Variants in FAAH2 observed in about 807,000 individuals in gnomAD.
FAAH2 encodes the protein fatty-acid amide hydrolase 2.
Under a neutral mutation model 36.9 loss-of-function variants are expected in FAAH2, and 60 were observed. The ratio of observed to expected loss-of-function variants is 1.63; its 90% CI spans 1.32 to 2.02. FAAH2 has a LOEUF of 2.02. Among genes scored for constraint, FAAH2 ranks in the 30% most tolerant of loss-of-function variants. The pLI is 0.00. For missense variants in FAAH2, 689 were observed against 397.5 expected (o/e 1.73, Z -6.23); for synonymous variants, 214 against 143.8 (o/e 1.49, Z -3.49).
At chrX:57,452,305 A>G in intron 10 of FAAH2, 1 of 754,719 alleles carries the variant, frequency 1.3e-6, no homozygotes, top group Non-Finnish European at 1.6e-6. Flanking sequence ...CAAGATTTAT[A>G]TGTCAGGTTT....
At chrX:57,349,881 T>C (rs2147093760) in intron 5 of FAAH2, among the ~76,000 whole-genome samples, 1 of 110,020 alleles carries the variant, frequency 9.1e-6, no homozygotes, top group Admixed American at 9.7e-5. Flanking sequence ...TACCAAGAGG[T>C]TTAGACATCC....
At chrX:57,488,357 A>G (rs1202287077) in intron 10 of FAAH2, among the ~76,000 whole-genome samples, 1 of 112,000 alleles carries the variant, frequency 8.9e-6, no homozygotes, top group East Asian at 2.8e-4. Context: ...AGAATATATT[A>G]TTCTACTTTA....
chrX:57,136,967 G>T, the FAAH2 span: 2 of 877,472 alleles, frequency 2.3e-6, no homozygotes, highest in Non-Finnish European at 2.9e-6. Flanking sequence ...TGCCCTGAGT[G>T]CCTCTGGTGC....
chrX:57,127,571 A>G, the FAAH2 span, among the ~76,000 whole-genome samples: 1 of 111,952 alleles, frequency 8.9e-6, no homozygotes, highest in Non-Finnish European at 1.9e-5. Context: ...AAAAAATAAC[A>G]TTCTAATCAC....
At chrX:57,393,273 C>T (rs1188099757) in intron 7 of FAAH2, 2 of 1,132,535 alleles carry the variant, frequency 1.8e-6, no homozygotes, top group South Asian at 1.8e-5. Context: ...AGGTTCTCCT[C>T]TATGTAAGCC....
At chrX:57,457,528 A>G (rs1243436075) in intron 10 of FAAH2, among the ~76,000 whole-genome samples, 1 of 110,649 alleles carries the variant, frequency 9.0e-6, no homozygotes, top group Non-Finnish European at 1.9e-5. Context: ...TACTGATATG[A>G]TTCAATACCT....
At chrX:57,325,177 C>G (rs1255370231) in intron 3 of FAAH2, among the ~76,000 whole-genome samples, 1 of 111,890 alleles carries the variant, frequency 8.9e-6, no homozygotes, top group African/African-American at 3.2e-5. Flanking sequence ...CCTTGCATCC[C>G]AGGGATGAAG....
At chrX:57,394,372 T>C (rs2055241816) in intron 7 of FAAH2, 1 of 1,189,665 alleles carries the variant, frequency 8.4e-7, no homozygotes. Context: ...GTTCTAGTGC[T>C]GACAGCAGAA....
At chrX:57,131,189 C>T in the FAAH2 span, among the ~76,000 whole-genome samples, 2 of 107,086 alleles carry the variant, frequency 1.9e-5, no homozygotes, top group African/African-American at 6.8e-5. Flanking sequence ...GGGTTCACGC[C>T]ATTCTCCTGC....
intron 8 of FAAH2, among the ~76,000 whole-genome samples, chrX:57,441,136 G>T (rs1173700400): frequency 9.0e-6 from 1 of 111,646 alleles, no homozygotes; most frequent in Non-Finnish European, 1.9e-5. Flanking sequence ...AGTTAGGGAG[G>T]ATTCCCTCTT....
At chrX:57,414,114 A>C (rs1326775641) in intron 7 of FAAH2, among the ~76,000 whole-genome samples, 2 of 111,942 alleles carry the variant, frequency 1.8e-5, no homozygotes, top group Non-Finnish European at 3.8e-5. Flanking sequence ...TTTTGGGTTG[A>C]GACTATGGGC....
intron 7 of FAAH2, chrX:57,381,576 A>G (rs746739300): frequency 1.5e-6 from 1 of 673,955 alleles, no homozygotes; most frequent in Non-Finnish European, 1.8e-6. Context: ...ATGGAAGACA[A>G]AGAAGGCCCT....
intron 7 of FAAH2, among the ~76,000 whole-genome samples, chrX:57,415,489 A>C (rs1408106223): frequency 8.9e-6 from 1 of 111,894 alleles, no homozygotes; most frequent in Non-Finnish European, 1.9e-5. Flanking sequence ...TTTTCCCAGT[A>C]GTCACTCATG....
intron 2 of FAAH2, among the ~76,000 whole-genome samples, chrX:57,299,347 A>G (rs957620900): frequency 2.6e-4 from 29 of 112,148 alleles, no homozygotes; most frequent in Non-Finnish European, 5.4e-4. Context: ...AGAACCAAAG[A>G]CAAAAACCAC....
chrX:57,329,286 CTG>C (rs2053325069), intron 3 of FAAH2, among the ~76,000 whole-genome samples: 1 of 111,793 alleles, frequency 8.9e-6, no homozygotes, highest in African/African-American at 3.3e-5. Context: ...CTAGCAGCAA[CTG>C]TGCATACATT....
At chrX:57,420,709 T>C (rs997689795) in intron 7 of FAAH2, among the ~76,000 whole-genome samples, 4 of 107,967 alleles carry the variant, frequency 3.7e-5, no homozygotes, top group Non-Finnish European at 7.7e-5. Flanking sequence ...GAATACCCTT[T>C]ATTTCCTTCT....
the FAAH2 span, among the ~76,000 whole-genome samples, chrX:57,258,293 C>T: frequency 3.6e-5 from 4 of 111,024 alleles, no homozygotes; most frequent in Admixed American, 9.6e-5. Context: ...AAAATAAACT[C>T]AATATGAATT....
the FAAH2 span, among the ~76,000 whole-genome samples, chrX:57,215,790 G>T: frequency 9.2e-6 from 1 of 108,319 alleles, no homozygotes; most frequent in Non-Finnish European, 1.9e-5. Flanking sequence ...ACAGAGAGGG[G>T]CACAACACAC....
the FAAH2 span, among the ~76,000 whole-genome samples, chrX:57,187,079 T>C: frequency 8.9e-6 from 1 of 111,790 alleles, no homozygotes; most frequent in African/African-American, 3.3e-5. Context: ...AAATGTAAAG[T>C]AGTTTTTTCT....
Sources: allele counts gnomAD v4.1 joint callset (sites outside exome capture counted in the v4.1 genomes callset), GRCh38; gene constraint gnomAD v4.1.1; transcripts MANE v1.5; gene names NCBI Gene and HGNC (gene_info 2026-07-23, HGNC 2026-07-21).